The following SLC13A3 variants were observed in gnomAD, a reference collection of about 807,000 sequenced individuals.
SLC13A3 encodes the protein solute carrier family 13 member 3, also known as Na(+)/dicarboxylate cotransporter 3.
A neutral mutation model predicts 59.0 loss-of-function variants in SLC13A3; 40 were observed. That is an observed-to-expected ratio of 0.68 (90% confidence interval 0.53 to 0.88). The LOEUF (loss-of-function observed/expected upper bound fraction) is 0.88. Ranked by LOEUF, SLC13A3 falls within the 40% of genes least tolerant of loss-of-function variation. SLC13A3 has a pLI of 0.00. For synonymous variants in SLC13A3, 317 were observed against 330.3 expected, an observed-to-expected ratio of 0.96 and a Z score of 0.44; for missense variants, 699 against 783.2, an observed-to-expected ratio of 0.89 and a Z score of 1.28.
chr20:46,652,984 T>A (rs898394181), upstream of SLC13A3, among the ~76,000 whole-genome samples: 4 of 152,230 alleles, frequency 2.6e-5, no homozygotes, highest in Non-Finnish European at 5.9e-5. Context: ...TGGTTTTAAT[T>A]TCTATTTCCC....
In SLC13A3 at chr20:46,562,867, C is replaced by T. The variant is rs145155328; in HGVS notation, c.1632+547G>A. Among the ~76,000 whole-genome samples the T allele has an allele frequency of 1.1e-3, 168 of 152,244 alleles. 1 individual carries two copies. Among genetic ancestry groups the T allele is most frequent in the Middle Eastern group, 3.4e-3 (1 of 294 alleles). On this transcript the variant is annotated intron_variant, in intron 12 of 12. Coordinates refer to ENST00000279027, the MANE Select transcript of SLC13A3 (RefSeq NM_022829.6). ...CATCGCGATTGGTTAAGCAGGTCGC[C>T]CGTCTTGGCTTTGACAGCTTTGGAA...
intron 11 of SLC13A3, 62 bp downstream of exon 11, chr20:46,566,167 G>T (rs2061977972): frequency 1.4e-6 from 2 of 1,435,824 alleles, no homozygotes. Flanking sequence ...CCTTGGCGGG[G>T]GAAGATTTCT....
intron 1 of SLC13A3, among the ~76,000 whole-genome samples, chr20:46,669,642 G>A (rs2063080349): frequency 2.0e-5 from 3 of 152,130 alleles, no homozygotes; most frequent in Admixed American, 6.5e-5. Flanking sequence ...TCTGACCACT[G>A]GCACCCAAGG....
chr20:46,612,447 A>G (rs898421399), intron 2 of SLC13A3, among the ~76,000 whole-genome samples: 1 of 152,040 alleles, frequency 6.6e-6, no homozygotes, highest in East Asian at 1.9e-4. Context: ...GATCCCTGAT[A>G]TTTTTATATG....
chr20:46,655,798 AAT>A (rs1185063347), upstream of SLC13A3, among the ~76,000 whole-genome samples: 4 of 143,994 alleles, frequency 2.8e-5, no homozygotes, highest in Admixed American at 1.4e-4. Flanking sequence ...CAGTATATAT[AAT>A]ATATAATACT....
At chr20:46,655,589 A>G (rs533772259), upstream of SLC13A3, among the ~76,000 whole-genome samples, 4 of 147,704 alleles carry the variant, frequency 2.7e-5, no homozygotes, top group East Asian at 7.8e-4. Flanking sequence ...CATTGTATGG[A>G]TATACCATAT....
intron 10 of SLC13A3, among the ~76,000 whole-genome samples, chr20:46,569,013 T>C (rs2062007136): frequency 6.6e-6 from 1 of 152,166 alleles, no homozygotes; most frequent in Non-Finnish European, 1.5e-5. Context: ...AGACAGAGCC[T>C]CACATTGTCA....
At chr20:46,572,331 G>T (rs2062035818) in intron 10 of SLC13A3, among the ~76,000 whole-genome samples, 1 of 152,152 alleles carries the variant, frequency 6.6e-6, no homozygotes, top group African/African-American at 2.4e-5. Flanking sequence ...GGAGAGGATG[G>T]TACGGCAGAG....
intron 1 of SLC13A3, among the ~76,000 whole-genome samples, chr20:46,639,783 A>G (rs1420333710): frequency 1.3e-5 from 2 of 152,194 alleles, no homozygotes; most frequent in Admixed American, 1.3e-4. Context: ...TATTTTGTCA[A>G]TGGCTATGAG....
intron 1 of SLC13A3, among the ~76,000 whole-genome samples, chr20:46,667,900 A>G (rs1478718378): frequency 6.6e-6 from 1 of 152,150 alleles, no homozygotes; most frequent in Non-Finnish European, 1.5e-5. Context: ...TTTTATGATT[A>G]TATCTGTTAT....
chr20:46,620,851 G>C (rs1365541803), intron 1 of SLC13A3, among the ~76,000 whole-genome samples: 1 of 152,170 alleles, frequency 6.6e-6, no homozygotes, highest in African/African-American at 2.4e-5. Context: ...ACCGAGATCA[G>C]CTGTAGACAA....
chr20:46,589,362 G>T (rs1185631633), intron 6 of SLC13A3, 107 bp from the exon 7 acceptor site: 3 of 844,656 alleles, frequency 3.6e-6, no homozygotes, highest in African/African-American at 3.4e-5. Context: ...CTGTCCGGGA[G>T]GCTGCAACTG....
chr20:46,683,376 G>C (rs2063163079), intron 1 of SLC13A3, among the ~76,000 whole-genome samples: 1 of 152,148 alleles, frequency 6.6e-6, no homozygotes, highest in Non-Finnish European at 1.5e-5. Flanking sequence ...TGTCTAACAC[G>C]AGGCTCCATC....
At chr20:46,649,132 T>A (rs1024078086) in intron 1 of SLC13A3, among the ~76,000 whole-genome samples, 1 of 152,028 alleles carries the variant, frequency 6.6e-6, no homozygotes, top group Admixed American at 6.6e-5. Flanking sequence ...CCTGACAAGC[T>A]CCTAGCATGG....
At chr20:46,590,251 T>G (rs1272299540) in intron 6 of SLC13A3, among the ~76,000 whole-genome samples, 1 of 152,138 alleles carries the variant, frequency 6.6e-6, no homozygotes, top group East Asian at 1.9e-4. Context: ...AACATATGAT[T>G]ATTCTTTTAT....
At chr20:46,563,762 G>A (rs1404575880) in intron 11 of SLC13A3, among the ~76,000 whole-genome samples, 6 of 152,168 alleles carry the variant, frequency 3.9e-5, no homozygotes, top group Non-Finnish European at 7.4e-5. Flanking sequence ...GAGAAAGGCA[G>A]TCAGAAAGAC....
chr20:46,572,062 T>C (rs1284663333), intron 10 of SLC13A3, among the ~76,000 whole-genome samples: 1 of 152,126 alleles, frequency 6.6e-6, no homozygotes, highest in Admixed American at 6.5e-5. Context: ...TATACGGTTT[T>C]GTGGCAGGAG....
chr20:46,563,510 C>A lies in SLC13A3; in HGVS notation c.1536G>T (p.Pro512=), dbSNP rs779767830. 3.0e-5 allele frequency: 49 copies of A among 1,613,980 alleles called. No individual in the cohort carries two copies. Among genetic ancestry groups the A allele is most frequent in the Non-Finnish European group, 4.1e-5 (48 of 1,179,986 alleles). The change falls in exon 12 of 13, where the codon CCG becomes CCT. Residue 512 remains proline, a synonymous_variant. Transcript: ENST00000279027. ...LRVHPLYLMI[P]GTVGCSFAFM... ...AGGCAAAGGAGCAGCCGACTGTGCC[C>A]GGAATCATCAGATACAGGGGGTGCA...
chr20:46,647,717 G>C lies in SLC13A3; in HGVS notation c.111+3594C>G, dbSNP rs2062908890. On this transcript the variant is annotated intron_variant, in intron 1 of 12. Coordinates refer to ENST00000279027, the MANE Select transcript of SLC13A3 (RefSeq NM_022829.6). ...GCAGATTGACTCCAGCCTCCCCGAA[G>C]ACAAGCTCACCAGTCACCAGGAACA... 2.0e-5 allele frequency among the ~76,000 whole-genome samples: 3 copies of C among 152,240 alleles called. No homozygotes were observed. The South Asian group carries it at 6.2e-4, about 32-fold the overall frequency.
Sources: allele counts gnomAD v4.1 joint callset (sites outside exome capture counted in the v4.1 genomes callset), GRCh38; gene constraint gnomAD v4.1.1; transcripts MANE v1.5; gene names NCBI Gene and HGNC (gene_info 2026-07-23, HGNC 2026-07-21).